RTN1: variants seen among roughly 807,000 people sequenced by gnomAD.
The protein encoded by RTN1 is reticulon 1.
In RTN1, 25 loss-of-function variants were observed where a neutral mutation model predicts 65.5. The observed-to-expected ratio is 0.38, with a 90% CI of 0.28 to 0.53. RTN1 has a LOEUF of 0.53. Ranked by LOEUF, RTN1 falls within the 20% of genes least tolerant of loss-of-function variation. The pLI is 0.79. For missense variants in RTN1, 983 were observed against 1,025.4 expected (o/e 0.96, Z 0.57); for synonymous variants, 471 against 447.6 (o/e 1.05, Z -0.66).
chr14:59,684,957 T>A (rs1566684522), intron 3 of RTN1, among the ~76,000 whole-genome samples: 1 of 152,030 alleles, frequency 6.6e-6, no homozygotes. Flanking sequence ...ACTCTGAAAA[T>A]TTTAAAAAGT....
At chr14:59,869,586 G>T (rs569482613) in intron 1 of RTN1, among the ~76,000 whole-genome samples, 9 of 132,016 alleles carry the variant, frequency 6.8e-5, no homozygotes, top group Non-Finnish European at 1.3e-4. Flanking sequence ...GGGTGGGGGG[G>T]GGGGGGCGCT....
At chr14:59,839,790 CTAATA>C (rs764981779) in intron 1 of RTN1, among the ~76,000 whole-genome samples, 2 of 151,874 alleles carry the variant, frequency 1.3e-5, no homozygotes, top group Non-Finnish European at 2.9e-5. Flanking sequence ...TTTTCTCTCT[CTAATA>C]TATCTAATTC....
At chr14:59,710,209 A>C (rs1464520333) in intron 3 of RTN1, among the ~76,000 whole-genome samples, 2 of 150,730 alleles carry the variant, frequency 1.3e-5, no homozygotes, top group East Asian at 3.9e-4. Flanking sequence ...TACCTGGCCA[A>C]TTTTTGTATC....
chr14:59,829,588 T>C lies in RTN1; in HGVS notation c.241+40802A>G, dbSNP rs886719847. ...TAAATAGATGGCAGACAGCTAGACA[T>C]AGGTGGAGGGCAGGGCACCAAACAA... On this transcript the variant is annotated intron_variant, in intron 1 of 8. Transcript: ENST00000267484. This position sits in a 1 kb window ranked among gnomAD's most constrained non-coding sequence, Gnocchi z 4.3. Among the ~76,000 whole-genome samples the C allele has an allele frequency of 5.9e-5, 9 of 152,204 alleles. No individual in the cohort carries two copies. The highest frequency in any genetic ancestry group is 1.7e-4 in the African/African-American group (7 of 41,452).
intron 3 of RTN1, among the ~76,000 whole-genome samples, chr14:59,700,203 C>A (rs1159532548): frequency 1.3e-5 from 2 of 152,050 alleles, no homozygotes; most frequent in Non-Finnish European, 2.9e-5. Context: ...ACAATGACAA[C>A]TACAACATGT....
chr14:59,854,056 G>A (rs540587852), intron 1 of RTN1, among the ~76,000 whole-genome samples: 2 of 151,798 alleles, frequency 1.3e-5, no homozygotes, highest in East Asian at 3.9e-4. Context: ...GTAGAGACGA[G>A]GTTTCCCTAT....
intron 1 of RTN1, 114 bp from the exon 2 acceptor site, chr14:59,746,595 G>A (rs1020698915): frequency 1.1e-6 from 1 of 884,096 alleles, no homozygotes; most frequent in South Asian, 1.8e-5. Context: ...TTCTCCTTAA[G>A]CCCTCGGAGT....
chr14:59,810,921 A>G (rs966502412), intron 1 of RTN1, among the ~76,000 whole-genome samples: 4 of 152,188 alleles, frequency 2.6e-5, no homozygotes, highest in Non-Finnish European at 5.9e-5. Context: ...ACCCTTTATT[A>G]CAGGACCCTG....
intron 1 of RTN1, among the ~76,000 whole-genome samples, chr14:59,863,452 G>A (rs1887745156): frequency 6.6e-6 from 1 of 152,130 alleles, no homozygotes; most frequent in Non-Finnish European, 1.5e-5. Flanking sequence ...AGCATTTGAC[G>A]GAATCAATCA....
intron 3 of RTN1, among the ~76,000 whole-genome samples, chr14:59,672,903 G>A (rs1266234932): frequency 1.3e-5 from 2 of 151,290 alleles, no homozygotes; most frequent in African/African-American, 4.9e-5. Context: ...GCCTCCCAAA[G>A]TGCTGGGATT....
intron 3 of RTN1, among the ~76,000 whole-genome samples, chr14:59,645,239 A>G (rs1950779): frequency 0.027 from 4,168 of 152,170 alleles, 199 homozygotes; most frequent in African/African-American, 0.094. Flanking sequence ...GGAGTGACAC[A>G]CTGCCATCTT....
intron 3 of RTN1, among the ~76,000 whole-genome samples, chr14:59,686,882 A>G (rs1883857552): frequency 6.6e-6 from 1 of 152,234 alleles, no homozygotes; most frequent in African/African-American, 2.4e-5. Context: ...ATCCAGGCAC[A>G]TTCAAAGGCA....
At chr14:59,742,280 C>T (rs1885130108) in intron 2 of RTN1, among the ~76,000 whole-genome samples, 1 of 152,140 alleles carries the variant, frequency 6.6e-6, no homozygotes, top group South Asian at 2.1e-4. Context: ...CTTTTTGAGG[C>T]TAATAGCTCA....
At chr14:59,715,283 C>G (rs1289328333) in intron 3 of RTN1, among the ~76,000 whole-genome samples, 2 of 152,188 alleles carry the variant, frequency 1.3e-5, no homozygotes, top group Non-Finnish European at 2.9e-5. Context: ...GAGAACTTTG[C>G]CCTCAGGCTC....
chr14:59,819,018 A>G (rs1439221900), intron 1 of RTN1, among the ~76,000 whole-genome samples: 3 of 152,100 alleles, frequency 2.0e-5, no homozygotes, highest in Non-Finnish European at 4.4e-5. Context: ...CTGGCTCAAA[A>G]GTGATGCTGC....
intron 1 of RTN1, among the ~76,000 whole-genome samples, chr14:59,813,059 T>C (rs147824340): frequency 6.6e-6 from 1 of 152,308 alleles, no homozygotes; most frequent in African/African-American, 2.4e-5. Context: ...TGAGTAGATA[T>C]TTAAATAAAA....
At chr14:59,647,316 C>G (rs926028753) in intron 3 of RTN1, among the ~76,000 whole-genome samples, 5 of 152,174 alleles carry the variant, frequency 3.3e-5, no homozygotes, top group African/African-American at 1.2e-4. Context: ...CTCAAGAGAC[C>G]TGCAAAGAGA....
intron 1 of RTN1, among the ~76,000 whole-genome samples, chr14:59,770,349 GC>G (rs1885929900): frequency 7.9e-6 from 1 of 126,160 alleles, no homozygotes; most frequent in South Asian, 2.6e-4. Flanking sequence ...TTGCACTCCA[GC>G]CTGGGGAACA....
At chr14:59,861,586 A>T (rs140493541) in intron 1 of RTN1, among the ~76,000 whole-genome samples, 1 of 152,198 alleles carries the variant, frequency 6.6e-6, no homozygotes, top group Non-Finnish European at 1.5e-5. Flanking sequence ...CCACATTAAA[A>T]TGGCAACCTG....
Sources: allele counts gnomAD v4.1 joint callset (sites outside exome capture counted in the v4.1 genomes callset), GRCh38; gene constraint gnomAD v4.1.1; non-coding constraint Gnocchi (gnomAD v3.1); transcripts MANE v1.5; gene names NCBI Gene and HGNC (gene_info 2026-07-23, HGNC 2026-07-21).